The following MARCHF1 variants were observed in gnomAD, a reference collection of about 807,000 sequenced individuals.
MARCHF1 encodes the protein E3 ubiquitin-protein ligase MARCHF1.
Under a neutral mutation model 54.2 loss-of-function variants are expected in MARCHF1, and 40 were observed. The ratio of observed to expected loss-of-function variants is 0.74; its 90% CI spans 0.57 to 0.96. The LOEUF is 0.96. MARCHF1 is among the 40% of genes least tolerant of loss of function. The pLI is 0.00. For missense variants in MARCHF1, 586 were observed against 656.5 expected (o/e 0.89, Z 1.17); for synonymous variants, 236 against 236.3 (o/e 1.00, Z 0.01).
intron 4 of MARCHF1, among the ~76,000 whole-genome samples, chr4:163,704,402 C>A (rs899163920): frequency 2.0e-5 from 3 of 151,542 alleles, no homozygotes; most frequent in Non-Finnish European, 4.4e-5. Context: ...TTGAATACTG[C>A]AATAAAATTT....
At chr4:164,216,053 G>A (rs965858595) in intron 1 of MARCHF1, among the ~76,000 whole-genome samples, 10 of 152,262 alleles carry the variant, frequency 6.6e-5, no homozygotes, top group African/African-American at 2.4e-4. Flanking sequence ...CCTCAGTTTT[G>A]CTTAGAGTCA....
chr4:164,158,608 T>C (rs1730147764), intron 1 of MARCHF1, among the ~76,000 whole-genome samples: 1 of 152,102 alleles, frequency 6.6e-6, no homozygotes, highest in Non-Finnish European at 1.5e-5. Context: ...GCCACTGCAC[T>C]CCAGGCTGGG....
chr4:164,236,231 C>A (rs967736400), intron 1 of MARCHF1, among the ~76,000 whole-genome samples: 2 of 152,068 alleles, frequency 1.3e-5, no homozygotes, highest in African/African-American at 4.8e-5. Context: ...AAGGGAAATA[C>A]TGGGTTAGGT....
chr4:163,747,418 G>A (rs149274097), intron 4 of MARCHF1, among the ~76,000 whole-genome samples: 63 of 152,240 alleles, frequency 4.1e-4, no homozygotes, highest in African/African-American at 1.5e-3. Context: ...AGATATATAA[G>A]CTCACAGTCA....
chr4:163,848,343 C>A (rs1397971061), intron 4 of MARCHF1, among the ~76,000 whole-genome samples: 1 of 152,036 alleles, frequency 6.6e-6, no homozygotes, highest in Non-Finnish European at 1.5e-5. Context: ...TAGAGTGACA[C>A]TTTGTTCTTT....
chr4:164,089,739 A>G (rs1755261930), intron 2 of MARCHF1, among the ~76,000 whole-genome samples: 1 of 152,032 alleles, frequency 6.6e-6, no homozygotes, highest in South Asian at 2.1e-4. Flanking sequence ...AACAATAATA[A>G]TTGTGAAAGG....
At chr4:163,546,423 TC>T (rs1738909098) in intron 8 of MARCHF1, among the ~76,000 whole-genome samples, 1 of 152,246 alleles carries the variant, frequency 6.6e-6, no homozygotes, top group Non-Finnish European at 1.5e-5. Context: ...ATTAAAAACT[TC>T]CTTTTCAGGA....
intron 1 of MARCHF1, among the ~76,000 whole-genome samples, chr4:164,243,827 A>G (rs1474259164): frequency 1.3e-5 from 2 of 152,002 alleles, no homozygotes; most frequent in East Asian, 1.9e-4. Context: ...GATAAAACAG[A>G]CTTTAAACCA....
At chr4:164,142,324 C>T (rs1050836308) in intron 1 of MARCHF1, among the ~76,000 whole-genome samples, 9 of 152,294 alleles carry the variant, frequency 5.9e-5, no homozygotes, top group African/African-American at 2.2e-4. Context: ...CCCACCACAG[C>T]TCAAGGAGGC....
chr4:163,709,816 G>A (rs577199751), intron 4 of MARCHF1, among the ~76,000 whole-genome samples: 11 of 152,282 alleles, frequency 7.2e-5, no homozygotes, highest in Admixed American at 1.3e-4. Context: ...TGCAAAATGC[G>A]TATAAAGACC....
chr4:164,059,360 A>C (rs1239921413), intron 2 of MARCHF1, among the ~76,000 whole-genome samples: 1 of 152,184 alleles, frequency 6.6e-6, no homozygotes, highest in Non-Finnish European at 1.5e-5. Flanking sequence ...CGTGATATGC[A>C]ATTCGGTAGA....
At chr4:163,535,352 T>TAAAG (rs1352189636) in intron 9 of MARCHF1, among the ~76,000 whole-genome samples, 1 of 152,136 alleles carries the variant, frequency 6.6e-6, no homozygotes, top group Admixed American at 6.6e-5. Context: ...CAAAGGCCTT[T>TAAAG]AAAGACCATC....
At chr4:164,303,407 A>G (rs1734615706) in intron 1 of MARCHF1, among the ~76,000 whole-genome samples, 1 of 152,206 alleles carries the variant, frequency 6.6e-6, no homozygotes, top group Non-Finnish European at 1.5e-5. Flanking sequence ...CCAAAAGGAA[A>G]GGAAGCTAAA....
intron 3 of MARCHF1, among the ~76,000 whole-genome samples, chr4:163,954,133 G>C (rs975673944): frequency 6.6e-6 from 1 of 152,174 alleles, no homozygotes; most frequent in Admixed American, 6.5e-5. Context: ...AAAAGACATA[G>C]GTCCTGTGAA....
intron 1 of MARCHF1, among the ~76,000 whole-genome samples, chr4:164,208,019 A>G (rs1233404357): frequency 6.6e-6 from 1 of 152,196 alleles, no homozygotes; most frequent in Non-Finnish European, 1.5e-5. Context: ...GGGATATTTA[A>G]GTAGAGCTTT....
At chr4:164,122,624 C>A (rs1404982981) in intron 1 of MARCHF1, among the ~76,000 whole-genome samples, 1 of 151,972 alleles carries the variant, frequency 6.6e-6, no homozygotes, top group African/African-American at 2.4e-5. Context: ...CATCCACTGC[C>A]CACCAGTCTT....
Position 164,241,620 on chromosome 4 carries a change from G to A in MARCHF1, c.-322-129958C>T, listed in dbSNP as rs955044635. Among the ~76,000 whole-genome samples the A allele has an allele frequency of 1.1e-4, 17 of 152,272 alleles. No individual in the cohort carries two copies. The East Asian group carries it at 2.9e-3, about 26-fold the overall frequency. On this transcript the variant is annotated intron_variant, in intron 1 of 9. Coordinates refer to ENST00000514618, the MANE Select transcript of MARCHF1 (RefSeq NM_001394959.1). ...TACTATTATATAAAGAAATGGGGGAGGAGCCAAGATGGCCCAATAGGAACA... is the reference window on the plus strand; with the variant it reads ...TACTATTATATAAAGAAATGGGGGAAGAGCCAAGATGGCCCAATAGGAACA...
At chr4:163,978,505 T>C (rs1752693099) in intron 3 of MARCHF1, among the ~76,000 whole-genome samples, 1 of 152,168 alleles carries the variant, frequency 6.6e-6, no homozygotes, top group Non-Finnish European at 1.5e-5. Context: ...GTAGTTCTCA[T>C]ACTTGTCATT....
At chr4:163,775,173 A>C (rs1336624661) in intron 4 of MARCHF1, among the ~76,000 whole-genome samples, 1 of 152,170 alleles carries the variant, frequency 6.6e-6, no homozygotes, top group Non-Finnish European at 1.5e-5. Flanking sequence ...AAAGCAAACA[A>C]ACAGCTTTTG....
Sources: allele counts gnomAD v4.1 joint callset (sites outside exome capture counted in the v4.1 genomes callset), GRCh38; gene constraint gnomAD v4.1.1; transcripts MANE v1.5; gene names NCBI Gene and HGNC (gene_info 2026-07-23, HGNC 2026-07-21).